The following NEBL variants were observed in gnomAD, a reference collection of about 807,000 sequenced individuals.
The protein encoded by NEBL is LIM and SH3 protein 2.
A neutral mutation model predicts 140.2 loss-of-function variants in NEBL; 122 were observed. The observed-to-expected ratio is 0.87, with a 90% CI of 0.75 to 1.01. The LOEUF (loss-of-function observed/expected upper bound fraction) is 1.01, where lower values mean the gene tolerates loss of function less well. NEBL is among the 50% of genes least tolerant of loss of function. NEBL has a pLI of 0.00. For synonymous variants in NEBL, 436 were observed against 398.9 expected (o/e 1.09, Z -1.11); for missense variants, 1,365 against 1,231.3 (o/e 1.11, Z -1.62).
upstream of NEBL, among the ~76,000 whole-genome samples, chr10:21,176,021 ACT>A (rs1272651764): frequency 6.6e-6 from 1 of 151,730 alleles, no homozygotes; most frequent in East Asian, 1.9e-4. Context: ...ACAGGGTCTA[ACT>A]CTGTCACCCA....
At chr10:20,938,275 G>A (rs1421349303) in intron 4 of NEBL, among the ~76,000 whole-genome samples, 1 of 152,216 alleles carries the variant, frequency 6.6e-6, no homozygotes, top group South Asian at 2.1e-4. Context: ...AACATTTGCT[G>A]CTCACCAATG....
At chr10:20,916,909 A>G (rs1833318648) in intron 4 of NEBL, among the ~76,000 whole-genome samples, 1 of 152,210 alleles carries the variant, frequency 6.6e-6, no homozygotes, top group Non-Finnish European at 1.5e-5. Flanking sequence ...TTTTTAGAAT[A>G]TTTATTGACT....
At chr10:20,946,341 G>C (rs1835158000) in intron 4 of NEBL, among the ~76,000 whole-genome samples, 1 of 152,180 alleles carries the variant, frequency 6.6e-6, no homozygotes, top group African/African-American at 2.4e-5. Context: ...TCGTGCTACT[G>C]GTAGTTAGCA....
chr10:21,120,374 C>CAAA (rs1157067083), intron 2 of NEBL, among the ~76,000 whole-genome samples: 97 of 48,380 alleles, frequency 2.0e-3, no homozygotes, highest in African/African-American at 8.2e-3. Context: ...GACTGTGTCT[C>CAAA]AAAAAAAAAA....
At chr10:21,172,369 T>C (rs1841116780) in intron 2 of NEBL, 3 of 1,596,676 alleles carry the variant, frequency 1.9e-6, no homozygotes, top group Non-Finnish European at 1.7e-6. Context: ...GGACAGCGTG[T>C]TGACAATACT....
intron 3 of NEBL, among the ~76,000 whole-genome samples, chr10:21,243,135 C>T (rs1359456405): frequency 1.3e-5 from 2 of 152,008 alleles, no homozygotes; most frequent in Non-Finnish European, 2.9e-5. Context: ...AACCTGTTGC[C>T]ACTGCTCCTG....
At chr10:21,286,750 C>G (rs929071026) in intron 1 of NEBL, among the ~76,000 whole-genome samples, 1 of 151,690 alleles carries the variant, frequency 6.6e-6, no homozygotes, top group Non-Finnish European at 1.5e-5. Flanking sequence ...AGGAGAATGG[C>G]GTGACGTGAA....
chr10:21,189,283 T>C (rs1362999837), intron 3 of NEBL, among the ~76,000 whole-genome samples: 3 of 152,030 alleles, frequency 2.0e-5, no homozygotes, highest in Non-Finnish European at 4.4e-5. Context: ...GAGGAGGCAA[T>C]GTGACCACAC....
intron 3 of NEBL, among the ~76,000 whole-genome samples, chr10:21,234,127 A>G (rs1842315281): frequency 6.6e-6 from 1 of 151,878 alleles, no homozygotes. Flanking sequence ...GAAATATTAT[A>G]AAAGAGCTAC....
At chr10:20,804,711 C>T (rs1837446116) in intron 26 of NEBL, 1 of 152,072 alleles carries the variant, frequency 6.6e-6, no homozygotes, top group African/African-American at 2.4e-5. Flanking sequence ...AGCAAGGGGA[C>T]CAGAAATGGT....
chr10:20,853,696 T>C (rs1056707261), intron 9 of NEBL, among the ~76,000 whole-genome samples: 1 of 152,104 alleles, frequency 6.6e-6, no homozygotes, highest in Non-Finnish European at 1.5e-5. Flanking sequence ...GCTGAACTTA[T>C]GAAGACAGAG....
intron 3 of NEBL, among the ~76,000 whole-genome samples, chr10:21,008,137 G>GTA (rs1327744448): frequency 6.6e-6 from 1 of 152,076 alleles, no homozygotes; most frequent in Non-Finnish European, 1.5e-5. Context: ...ACGTGTGTGT[G>GTA]TATATATGTA....
At chr10:21,077,999 G>C (rs1396770524) in intron 2 of NEBL, among the ~76,000 whole-genome samples, 1 of 152,222 alleles carries the variant, frequency 6.6e-6, no homozygotes, top group African/African-American at 2.4e-5. Context: ...GGGACACTGA[G>C]ACACCTTCCA....
intron 3 of NEBL, among the ~76,000 whole-genome samples, chr10:21,204,185 G>T (rs942298189): frequency 2.0e-5 from 3 of 152,184 alleles, no homozygotes; most frequent in Admixed American, 6.5e-5. Context: ...CTGGGAGATG[G>T]CTTAGAACAA....
intron 3 of NEBL, among the ~76,000 whole-genome samples, chr10:21,183,195 C>G (rs1368558211): frequency 6.6e-6 from 1 of 152,098 alleles, no homozygotes; most frequent in Non-Finnish European, 1.5e-5. Context: ...GATCTCTGCC[C>G]AGCAGCATGA....
intron 2 of NEBL, among the ~76,000 whole-genome samples, chr10:21,020,789 C>T (rs1185132527): frequency 6.6e-6 from 1 of 152,138 alleles, no homozygotes; most frequent in African/African-American, 2.4e-5. Context: ...GGTTCCTTCC[C>T]TGTCTCCTGC....
chr10:21,276,803 T>C (rs7898819), intron 1 of NEBL, among the ~76,000 whole-genome samples: 40,858 of 152,072 alleles, frequency 0.27, 8,213 homozygotes, highest in African/African-American at 0.57. Context: ...ACCCCATCTC[T>C]ACTAAAAATA....
intron 3 of NEBL, among the ~76,000 whole-genome samples, chr10:20,983,183 A>G (rs928929759): frequency 3.9e-5 from 6 of 152,204 alleles, no homozygotes; most frequent in African/African-American, 1.4e-4. Context: ...AAGTGAGAAA[A>G]TCAAATTAGA....
intron 3 of NEBL, among the ~76,000 whole-genome samples, chr10:20,965,434 A>C (rs1428276900): frequency 1.3e-5 from 2 of 152,238 alleles, no homozygotes; most frequent in Non-Finnish European, 2.9e-5. Context: ...AAAGCCACAC[A>C]GACTTCTTCC....
Sources: allele counts gnomAD v4.1 joint callset (sites outside exome capture counted in the v4.1 genomes callset), GRCh38; gene constraint gnomAD v4.1.1; transcripts MANE v1.5; gene names NCBI Gene and HGNC (gene_info 2026-07-23, HGNC 2026-07-21).